AKNA: variants seen among roughly 807,000 people sequenced by gnomAD.
AKNA encodes microtubule organization protein AKNA.
Under a neutral mutation model 138.8 loss-of-function variants are expected in AKNA, and 67 were observed. The observed-to-expected ratio is 0.48, with a 90% confidence interval of 0.40 to 0.59. AKNA has a LOEUF of 0.59. Ranked by LOEUF, AKNA falls within the 20% of genes least tolerant of loss-of-function variation. The pLI is 0.00. For missense variants in AKNA, 1,813 were observed against 1,880.4 expected (o/e 0.96, Z 0.66); for synonymous variants, 737 against 754.4 (o/e 0.98, Z 0.38).
In AKNA at chr9:114,377,373, C is replaced by T; in HGVS notation, c.434G>A (p.Gly145Glu). The T allele has an allele frequency of 6.2e-7, 1 of 1,613,904 alleles. No individual in the cohort carries two copies. Among genetic ancestry groups the T allele is most frequent in the Non-Finnish European group, 8.5e-7 (1 of 1,179,922 alleles). Residue 145 changes from glycine to glutamate, a missense_variant, in exon 3 of 22, where the codon GGG (glycine) becomes GAG (glutamate). By Grantham distance (98) the Gly-to-Glu change is moderately conservative (BLOSUM62 -2). Coordinates refer to ENST00000374088, the MANE Select transcript of AKNA (RefSeq NM_001317950.2). ...EEAGESSSRL[G>E]YEAGLSLEGH... The stretch of plus-strand genomic sequence containing the variant: ...TTCCAAGCTGAGACCAGCCTCATAC[C>T]CCAACCTTGAGGAGCTCTCTCCAGC...
chr9:114,391,574 T>G (rs1834339789), upstream of AKNA, among the ~76,000 whole-genome samples: 1 of 152,038 alleles, frequency 6.6e-6, no homozygotes, highest in Non-Finnish European at 1.5e-5. Flanking sequence ...CCTGGCCAGG[T>G]GCAGTGGCTC....
Position 114,359,601 on chromosome 9 carries a change from G to A in AKNA, c.2485C>T (p.Pro829Ser), listed in dbSNP as rs150596363. 3.8e-4 allele frequency: 620 copies of A among 1,614,174 alleles called. No individual in the cohort carries two copies. In the African/African-American group the frequency reaches 5.1e-3, roughly 13 times the overall value. Reference sequence around the variant, plus strand: ...AAAGGCTCAGTGACTTACTCCAGGGGAGCCCCATGACTTTTCTCAGCCTGC... The same window carrying A: ...AAAGGCTCAGTGACTTACTCCAGGGAAGCCCCATGACTTTTCTCAGCCTGC... ...PVQAEKSHGAPLEEATEKMVS... is the reference protein window; with the variant it reads ...PVQAEKSHGASLEEATEKMVS... The change falls in exon 11 of 22, where the codon CCC (proline) becomes TCC (serine). Residue 829 changes from proline to serine, a missense_variant. Pro to Ser is a moderately conservative substitution (Grantham distance 74, BLOSUM62 -1). Transcript: ENST00000374088.
upstream of AKNA, among the ~76,000 whole-genome samples, chr9:114,392,644 G>A (rs754575648): frequency 3.9e-5 from 6 of 152,206 alleles, no homozygotes; most frequent in African/African-American, 9.7e-5. Flanking sequence ...TGCCTTTTCC[G>A]TGAAACGCCC....
rs1222350192 is a variant in AKNA, at chr9:114,356,056, A to G, written c.2927T>C (p.Leu976Pro). The G allele has an allele frequency of 6.2e-7, 1 of 1,614,144 alleles. No homozygotes were observed. Among genetic ancestry groups the G allele is most frequent in the Non-Finnish European group, 8.5e-7 (1 of 1,180,036 alleles). ...GASYPKARGS[L>P]IPRRATEPST... ...GGGCTCTGTGGCTCTTCTGGGAATCAGAGAACCCCTGGCCTTGGGGTAGGA... is the reference window on the plus strand; with the variant it reads ...GGGCTCTGTGGCTCTTCTGGGAATCGGAGAACCCCTGGCCTTGGGGTAGGA... The change falls in exon 14 of 22, where the codon CTG (leucine) becomes CCG (proline). Residue 976 changes from leucine (L) to proline (P), a missense_variant. Coordinates refer to ENST00000374088, the MANE Select transcript of AKNA (RefSeq NM_001317950.2).
At chr9:114,331,855 C>A (rs1410944153), downstream of AKNA, 3 of 1,613,834 alleles carry the variant, frequency 1.9e-6, no homozygotes, top group Non-Finnish European at 8.5e-7. Flanking sequence ...CAAGGAGCAA[C>A]TGGGAGAGTT....
At chr9:114,342,666 G>C (rs1379754737) in intron 19 of AKNA, among the ~76,000 whole-genome samples, 1 of 152,190 alleles carries the variant, frequency 6.6e-6, no homozygotes, top group African/African-American at 2.4e-5. Flanking sequence ...CCACACCTGG[G>C]TGAGTTCCAG....
intron 21 of AKNA, among the ~76,000 whole-genome samples, chr9:114,339,694 T>C (rs981167117): frequency 6.6e-6 from 1 of 152,206 alleles, no homozygotes; most frequent in South Asian, 2.1e-4. Context: ...GGCAGGCGCT[T>C]TCCCCCGTGT....
At position 114,336,875 on chromosome 9, in the gene AKNA, C is replaced by T; in HGVS notation, c.*179G>A. ...GAAGTCACTTCTCTTGGTGACCGAGCTGACACCCCCTCCACTTGGAAAGCA... is the reference window on the plus strand; with the variant it reads ...GAAGTCACTTCTCTTGGTGACCGAGTTGACACCCCCTCCACTTGGAAAGCA... On this transcript the variant is annotated 3_prime_UTR_variant, in exon 22 of 22. Transcript: ENST00000374088. 1.4e-6 allele frequency: 1 copy of T among 722,658 alleles called. No individual in the cohort carries two copies. Among genetic ancestry groups the T allele is most frequent in the Non-Finnish European group, 2.0e-6 (1 of 505,000 alleles). 44.8% of individuals were successfully genotyped at this position (722,658 alleles called of 1,614,324 possible). A position where few individuals can be genotyped will look rare whatever the true frequency, so the allele number is the denominator to read the frequency against.
At chr9:114,351,117 C>A (rs78900304) in intron 14 of AKNA, 96 bp from the exon 15 acceptor site, 6 of 1,298,846 alleles carry the variant, frequency 4.6e-6, no homozygotes, top group African/African-American at 1.5e-5. Context: ...AGTGAAGAGA[C>A]GGTGCCTAGT....
intron 2 of AKNA, among the ~76,000 whole-genome samples, chr9:114,380,223 A>T (rs1260880451): frequency 6.6e-6 from 1 of 152,218 alleles, no homozygotes; most frequent in Non-Finnish European, 1.5e-5. Flanking sequence ...CAAAGATATG[A>T]TCAAATCAAG....
chr9:114,376,359 TC>T (rs1833199429), intron 3 of AKNA, 106 bp downstream of exon 3: 1 of 849,320 alleles, frequency 1.2e-6, no homozygotes, highest in African/African-American at 2.4e-5. Flanking sequence ...ATCCCAGGCC[TC>T]TCCACCCCAG....
chr9:114,330,642 C>T (rs1829835635), downstream of AKNA: 4 of 1,600,212 alleles, frequency 2.5e-6, no homozygotes, highest in Non-Finnish European at 3.4e-6. Context: ...GCAAGTCCCT[C>T]CTTCTTCCTG....
At chr9:114,342,166 A>G in intron 19 of AKNA, 41 bp from the exon 20 acceptor site, 1 of 1,427,926 alleles carries the variant, frequency 7.0e-7, no homozygotes, top group Middle Eastern at 1.8e-4. Flanking sequence ...GATTACATCT[A>G]AATCATCAGA....
At chr9:114,371,804 C>T (rs1832787829) in intron 4 of AKNA, among the ~76,000 whole-genome samples, 1 of 152,172 alleles carries the variant, frequency 6.6e-6, no homozygotes, top group Non-Finnish European at 1.5e-5. Context: ...GGGTCCAGCC[C>T]TCCCCCGTGG....
At chr9:114,352,850 G>A (rs1477924781) in intron 14 of AKNA, among the ~76,000 whole-genome samples, 2 of 152,094 alleles carry the variant, frequency 1.3e-5, no homozygotes, top group African/African-American at 4.8e-5. Context: ...GAACCCGGGA[G>A]GTGGATGTTG....
downstream of AKNA, among the ~76,000 whole-genome samples, chr9:114,331,306 C>A (rs1030662806): frequency 2.0e-5 from 3 of 152,092 alleles, no homozygotes; most frequent in African/African-American, 4.8e-5. Context: ...CCTCTCTGGG[C>A]CTCATTTTCC....
intron 15 of AKNA, chr9:114,348,817 G>A (rs950644809): frequency 3.5e-5 from 16 of 454,826 alleles, no homozygotes; most frequent in Admixed American, 2.1e-4. Flanking sequence ...CCACCCTCCA[G>A]GCGGATGCAG....
intron 1 of AKNA, among the ~76,000 whole-genome samples, chr9:114,383,389 C>A (rs964510558): frequency 3.3e-5 from 5 of 152,190 alleles, no homozygotes; most frequent in African/African-American, 1.2e-4. Context: ...CCAGGAAGTG[C>A]AAAGCTGACC....
Position 114,355,774 on chromosome 9 carries a change from T to A in AKNA, c.3058+151A>T, listed in dbSNP as rs1831456421. ...TGATGGTTTCCAGAGTATTTTTTTT[T>A]CTTTTGTTCCCTTTTGTCCACGTTA... On this transcript the variant is annotated intron_variant, in intron 14 of 21. Transcript: ENST00000374088. 5 of 852,298 alleles carry A rather than the reference T, an allele frequency of 5.9e-6. 1 individual carries two copies. The Admixed American group carries it at 1.5e-4, about 25-fold the overall frequency. 52.8% of individuals were successfully genotyped at this position (852,298 alleles called of 1,614,324 possible).
Sources: allele counts gnomAD v4.1 joint callset (sites outside exome capture counted in the v4.1 genomes callset), GRCh38; gene constraint gnomAD v4.1.1; transcripts MANE v1.5; gene names NCBI Gene and HGNC (gene_info 2026-07-23, HGNC 2026-07-21).